CCDC178: variants seen among roughly 807,000 people sequenced by gnomAD.
CCDC178 encodes coiled-coil domain containing 178, also known as coiled-coil domain-containing protein 178.
In CCDC178, 126 loss-of-function variants were observed where a neutral mutation model predicts 117.4. That is an observed-to-expected ratio of 1.07 (90% CI 0.93 to 1.24). The LOEUF (loss-of-function observed/expected upper bound fraction) is 1.24, where lower values mean the gene tolerates loss of function less well. Ranked by LOEUF, CCDC178 falls within the 50% of genes most tolerant of loss-of-function variation. The probability of loss-of-function intolerance (pLI) is 0.00; values close to 1 mark genes in which losing one functional copy is unlikely to be tolerated. For synonymous variants in CCDC178, 283 were observed against 313.4 expected (o/e 0.90, Z 1.02); for missense variants, 1,030 against 986.9 (o/e 1.04, Z -0.59).
At chr18:32,959,096 T>C (rs2144653187) in intron 22 of CCDC178, among the ~76,000 whole-genome samples, 1 of 152,282 alleles carries the variant, frequency 6.6e-6, no homozygotes, top group Non-Finnish European at 1.5e-5. Flanking sequence ...TAAGTGAATG[T>C]AAGGTAAATT....
intron 12 of CCDC178, among the ~76,000 whole-genome samples, chr18:33,267,764 T>C (rs2059836095): frequency 6.6e-6 from 1 of 151,448 alleles, no homozygotes; most frequent in Non-Finnish European, 1.5e-5. Flanking sequence ...GTAATATATC[T>C]TCAACTTTAG....
chr18:33,406,371 C>A (rs934139314), intron 3 of CCDC178, among the ~76,000 whole-genome samples: 24 of 151,974 alleles, frequency 1.6e-4, no homozygotes, highest in African/African-American at 5.8e-4. Context: ...ATCTTTATAT[C>A]TGACAACATA....
At chr18:33,353,237 T>C (rs1407321810) in intron 7 of CCDC178, among the ~76,000 whole-genome samples, 1 of 152,108 alleles carries the variant, frequency 6.6e-6, no homozygotes, top group African/African-American at 2.4e-5. Context: ...TCTCTTTTAC[T>C]TACTATTTGC....
At chr18:33,277,873 C>T (rs571752105) in intron 12 of CCDC178, among the ~76,000 whole-genome samples, 1 of 152,270 alleles carries the variant, frequency 6.6e-6, no homozygotes, top group South Asian at 2.1e-4. Context: ...AACACAATTA[C>T]ATCTACAAAA....
intron 20 of CCDC178, among the ~76,000 whole-genome samples, chr18:33,154,950 G>T (rs2058377705): frequency 6.6e-6 from 1 of 152,058 alleles, no homozygotes; most frequent in South Asian, 2.1e-4. Context: ...AACACCTCTT[G>T]TCCAGTAATT....
chr18:33,008,156 G>C (rs560065572), intron 21 of CCDC178, among the ~76,000 whole-genome samples: 1 of 150,494 alleles, frequency 6.6e-6, no homozygotes, highest in African/African-American at 2.5e-5. Flanking sequence ...ACTAAAGTGG[G>C]CAAACCAATA....
At chr18:33,405,430 A>G (rs1364736784) in intron 3 of CCDC178, among the ~76,000 whole-genome samples, 2 of 151,814 alleles carry the variant, frequency 1.3e-5, no homozygotes, top group Non-Finnish European at 2.9e-5. Context: ...ACAGTAAAAA[A>G]CAAAAAATAA....
At chr18:32,947,526 CT>C (rs1166448459) in intron 22 of CCDC178, among the ~76,000 whole-genome samples, 1 of 152,130 alleles carries the variant, frequency 6.6e-6, no homozygotes, top group African/African-American at 2.4e-5. Context: ...CTATTCAAAT[CT>C]TTTGCCCTTT....
intron 22 of CCDC178, among the ~76,000 whole-genome samples, chr18:32,970,065 T>C (rs1015253075): frequency 3.3e-5 from 5 of 152,016 alleles, no homozygotes; most frequent in Non-Finnish European, 7.4e-5. Flanking sequence ...TGGTTCCAAG[T>C]TTATAGTAGC....
At chr18:33,417,035 T>C (rs1259517359) in intron 2 of CCDC178, among the ~76,000 whole-genome samples, 1 of 152,136 alleles carries the variant, frequency 6.6e-6, no homozygotes, top group Non-Finnish European at 1.5e-5. Flanking sequence ...CTCTGGAAAA[T>C]ACTTTGGCAG....
intron 20 of CCDC178, among the ~76,000 whole-genome samples, chr18:33,176,404 C>A (rs550943544): frequency 2.6e-4 from 39 of 152,208 alleles, no homozygotes; most frequent in Non-Finnish European, 4.3e-4. Context: ...TAATATTTTT[C>A]TCTTACTATC....
rs763037508 is a variant in CCDC178 at position 33,370,042 on chromosome 18, T to A, written c.348+8A>T. 9.2e-5 allele frequency: 141 copies of A among 1,539,504 alleles called. 1 individual carries two copies. The highest frequency in any genetic ancestry group is 1.2e-4 in the Non-Finnish European group (137 of 1,146,038). ...CCAAAATATCAGCATTTTAAATTAG[T>A]CTCTTACCCTTTTCAAATGCTCCTG... On this transcript the variant is annotated splice_region_variant and intron_variant, in intron 6 of 22. Coordinates refer to ENST00000383096, the MANE Select transcript of CCDC178 (RefSeq NM_001105528.4).
At chr18:33,264,345 C>A (rs2059788407) in intron 14 of CCDC178, among the ~76,000 whole-genome samples, 1 of 151,840 alleles carries the variant, frequency 6.6e-6, no homozygotes, top group Non-Finnish European at 1.5e-5. Context: ...ATCTCTTTGT[C>A]CTGAGTTTTA....
intron 21 of CCDC178, among the ~76,000 whole-genome samples, chr18:33,091,045 A>AT (rs2145067622): frequency 6.6e-6 from 1 of 152,300 alleles, no homozygotes; most frequent in East Asian, 1.9e-4. Flanking sequence ...TTATAAACTG[A>AT]TAACTGCAGA....
At chr18:33,389,686 A>G in intron 4 of CCDC178, 57 bp from the exon 5 acceptor site, 1 of 836,672 alleles carries the variant, frequency 1.2e-6, no homozygotes, top group Non-Finnish European at 1.7e-6. Flanking sequence ...AGAAAATTTT[A>G]AAATAAGCAC....
intron 21 of CCDC178, among the ~76,000 whole-genome samples, chr18:33,024,225 T>A (rs1254762507): frequency 6.6e-6 from 1 of 152,214 alleles, no homozygotes; most frequent in Non-Finnish European, 1.5e-5. Flanking sequence ...AGGGATACCA[T>A]AACAAAACAT....
chr18:33,395,180 C>A (rs111979294), intron 4 of CCDC178, among the ~76,000 whole-genome samples: 8 of 150,994 alleles, frequency 5.3e-5, no homozygotes, highest in African/African-American at 1.7e-4. Flanking sequence ...CCTAGTCTCA[C>A]GTTCCATAGA....
intron 21 of CCDC178, among the ~76,000 whole-genome samples, chr18:33,065,504 A>AACAC (rs1314279193): frequency 1.3e-5 from 2 of 152,174 alleles, no homozygotes; most frequent in Non-Finnish European, 2.9e-5. Flanking sequence ...AAAGCATAAA[A>AACAC]ACACCTGTTA....
intron 14 of CCDC178, among the ~76,000 whole-genome samples, chr18:33,257,526 T>C (rs1398714690): frequency 6.6e-6 from 1 of 152,138 alleles, no homozygotes; most frequent in Admixed American, 6.6e-5. Flanking sequence ...CAGTTGGGAA[T>C]TCAGCCTGCA....
Sources: gnomAD v4.1 joint callset for allele counts (sites outside exome capture counted in the v4.1 genomes callset) on GRCh38, gnomAD v4.1.1 for gene constraint, MANE v1.5 for transcripts, NCBI Gene and HGNC (gene_info 2026-07-23, HGNC 2026-07-21) for gene names.